The following SSX5 variants were observed in gnomAD, a reference collection of about 807,000 sequenced individuals.
SSX5 encodes protein SSX5.
In SSX5, 14 loss-of-function variants were observed where a neutral mutation model predicts 14.9. That is an observed-to-expected ratio of 0.94 (90% confidence interval 0.62 to 1.47). The LOEUF (loss-of-function observed/expected upper bound fraction) is 1.47. SSX5 is among the 40% of genes most tolerant of loss of function. SSX5 has a pLI of 0.00. For synonymous variants in SSX5, 70 were observed against 55.4 expected (o/e 1.26, Z -1.17); for missense variants, 204 against 154.6 (o/e 1.32, Z -1.70).
At position 48,195,461 on chromosome X, in the gene SSX5, T is replaced by C. The variant is rs1172563633; in HGVS notation, c.-20-83A>G. ...AGAAATCAGTGAAGTCTGGCCACACTCAGTCACCTGGAATCAGGAGTTGCA... is the reference window on the plus strand; with the variant it reads ...AGAAATCAGTGAAGTCTGGCCACACCCAGTCACCTGGAATCAGGAGTTGCA... On this transcript the variant is annotated intron_variant, in intron 1 of 7. Transcript: ENST00000347757. 58 of 947,018 alleles carry C rather than the reference T, an allele frequency of 6.1e-5. No homozygotes were observed. The Admixed American group carries it at 1.4e-3, about 22-fold the overall frequency. 78.0% of individuals were successfully genotyped at this position (947,018 alleles called of 1,213,427 possible).
chrX:48,193,372 G>A (rs1345363109), intron 4 of SSX5, among the ~76,000 whole-genome samples: 5 of 110,876 alleles, frequency 4.5e-5, no homozygotes, highest in African/African-American at 1.6e-4. Flanking sequence ...GAAAAGTATG[G>A]GGAATAATAT....
intron 4 of SSX5, among the ~76,000 whole-genome samples, chrX:48,192,912 T>G (rs1413767902): frequency 8.9e-6 from 1 of 112,218 alleles, no homozygotes; most frequent in Non-Finnish European, 1.9e-5. Flanking sequence ...GAAGAGCAAG[T>G]AAACACATAT....
chrX:48,193,140 G>A (rs1169775313), intron 4 of SSX5, among the ~76,000 whole-genome samples: 18 of 111,685 alleles, frequency 1.6e-4, no homozygotes, highest in African/African-American at 5.2e-4. Context: ...GGAAACAGCA[G>A]TGCTTATTAC....
chrX:48,187,329 G>A (rs1355017745), intron 7 of SSX5, among the ~76,000 whole-genome samples: 3 of 110,733 alleles, frequency 2.7e-5, no homozygotes, highest in East Asian at 5.7e-4. Context: ...TCGTGGTGGC[G>A]GGTGCTTGTA....
chrX:48,194,527 C>T (rs1208097965), intron 3 of SSX5, among the ~76,000 whole-genome samples: 1 of 110,601 alleles, frequency 9.0e-6, no homozygotes, highest in Non-Finnish European at 1.9e-5. Context: ...GGGAGAGAAA[C>T]GTGCAGGATC....
chrX:48,196,400 G>A (rs1335438947), intron 1 of SSX5, among the ~76,000 whole-genome samples: 2 of 101,326 alleles, frequency 2.0e-5, no homozygotes, highest in Non-Finnish European at 2.0e-5. Flanking sequence ...TTTTTGGTCA[G>A]ACAAGGTCTT....
At chrX:48,189,986 A>C (rs1289791129) in intron 6 of SSX5, 147 bp downstream of exon 6, 6 of 860,669 alleles carry the variant, frequency 7.0e-6, no homozygotes, top group Non-Finnish European at 9.2e-6. Flanking sequence ...TCTGGAAGTC[A>C]TGTGTAACAT....
Position 48,186,644 on chromosome X carries a change from C to G in SSX5, c.*217G>C. 1 of 692,379 alleles carries G rather than the reference C, an allele frequency of 1.4e-6. No homozygotes were observed. Among genetic ancestry groups the G allele is most frequent in the South Asian group, 2.6e-5 (1 of 38,442 alleles). The allele number at this position is 692,379 out of a possible 1,213,427, so 57.1% of individuals were successfully genotyped here. A position where few individuals can be genotyped will look rare whatever the true frequency, so the allele number is the denominator to read the frequency against. On this transcript the variant is annotated 3_prime_UTR_variant, in exon 8 of 8. Coordinates refer to ENST00000347757, the MANE Select transcript of SSX5 (RefSeq NM_175723.2). ...TGCTCATCAGTGAAAACGCTAATAT[C>G]TAACAGAATGGCACACTGTAACAAA...
intron 6 of SSX5, among the ~76,000 whole-genome samples, chrX:48,189,532 A>C (rs1351105375): frequency 8.9e-6 from 1 of 112,482 alleles, no homozygotes; most frequent in Non-Finnish European, 1.9e-5. Context: ...GAAGTCGCAG[A>C]AGATTATTAG....
chrX:48,190,910 C>T (rs1186622243), intron 5 of SSX5, among the ~76,000 whole-genome samples: 1 of 102,381 alleles, frequency 9.8e-6, no homozygotes, highest in Non-Finnish European at 2.0e-5. Context: ...TCTTAAGCTA[C>T]TTTTTTTTTT....
chrX:48,195,351 C>T lies in SSX5; in HGVS notation c.8G>A (p.Gly3Glu), dbSNP rs1569442350. Reference sequence around the variant, plus strand: ...AGGTCTCCGTACAAAGGCATCGTCTCCGTTCATGGCACCGGGAGCACTCTG... The same window carrying T: ...AGGTCTCCGTACAAAGGCATCGTCTTCGTTCATGGCACCGGGAGCACTCTG... Reference protein sequence around the residue: MNGDDAFVRRPRV... With the variant: MNEDDAFVRRPRV... The change falls in exon 2 of 8, where the codon GGA (glycine) becomes GAA (glutamate). Residue 3 changes from glycine (G) to glutamate (E), a missense_variant. Physicochemically the swap from Gly to Glu is moderately conservative, Grantham distance 98 (BLOSUM62 -2). Coordinates refer to ENST00000347757, the MANE Select transcript of SSX5 (RefSeq NM_175723.2). 1 of 1,211,596 alleles carries T rather than the reference C, an allele frequency of 8.3e-7. No homozygotes were observed. Among genetic ancestry groups the T allele is most frequent in the East Asian group, 3.0e-5 (1 of 33,856 alleles).
Position 48,187,633 on chromosome X carries a change from A to T in SSX5, c.565T>A (p.Ter189LysextTer6). The change falls in exon 7 of 8, where the codon TAA becomes AAA. Residue 189 changes from the stop codon to lysine, a stop_lost. Transcript: ENST00000347757. ...GAGCCAAAGGTTCACTTACGGAGTT[A>T]CTCGTCATCTTCCTGAGGGTCGCTG... is the stretch of plus-strand genomic sequence containing the variant. ...EISDPQEDDE[*>K] 1 of 1,208,262 alleles carries T rather than the reference A, an allele frequency of 8.3e-7. No homozygotes were observed. Among genetic ancestry groups the T allele is most frequent in the Non-Finnish European group, 1.1e-6 (1 of 894,060 alleles).
Position 48,186,851 on chromosome X carries a change from C to G in SSX5, c.*10G>C. On this transcript the variant is annotated 3_prime_UTR_variant, in exon 8 of 8. Coordinates refer to ENST00000347757, the MANE Select transcript of SSX5 (RefSeq NM_175723.2). ...CTCATCATGGGCATGTGTCATATCC[C>G]CGAGGCTGAGGCAAGAAGCGAGAAG... is the stretch of plus-strand genomic sequence containing the variant. 1.7e-6 allele frequency: 2 copies of G among 1,198,052 alleles called. No individual in the cohort carries two copies. The highest frequency in any genetic ancestry group is 3.5e-5 in the South Asian group (2 of 56,925).
intron 4 of SSX5, among the ~76,000 whole-genome samples, chrX:48,192,811 T>C (rs1297070228): frequency 8.9e-6 from 1 of 112,478 alleles, no homozygotes; most frequent in Admixed American, 9.5e-5. Context: ...TGGGAGATTG[T>C]AGAGTCTGGC....
Position 48,190,153 on chromosome X carries a change from T to C in SSX5, c.446A>G (p.Glu149Gly). Residue 149 changes from glutamate (E) to glycine (G), a missense_variant, in exon 6 of 8, where the codon GAG becomes GGG. Glu to Gly is a moderately conservative substitution (Grantham distance 98, BLOSUM62 -2). Coordinates refer to ENST00000347757, the MANE Select transcript of SSX5 (RefSeq NM_175723.2). The stretch of plus-strand genomic sequence containing the variant: ...CTTACCAGATGTCTTGTTAACCTTC[T>C]CAGAGGTATTTAGTTTTCCTGAGGG... ...LRPSGKLNTS[E>G]KVNKTSGPKR... The C allele has an allele frequency of 8.3e-7, 1 of 1,211,032 alleles. No homozygotes were observed. The highest frequency in any genetic ancestry group is 1.8e-5 in the South Asian group (1 of 56,836).
rs73632378 is a variant in SSX5 at position 48,193,368 on chromosome X, T to C, written c.280+761A>G. Among the ~76,000 whole-genome samples, 559 of 111,235 alleles carry C rather than the reference T, an allele frequency of 5.0e-3. 5 individuals carry two copies. Among genetic ancestry groups the C allele is most frequent in the African/African-American group, 0.017 (530 of 30,616 alleles). ...GAAATATTTCAAACACACAGAAAAG[T>C]ATGGGGAATAATATTGAGTCCAGTC... On this transcript the variant is annotated intron_variant, in intron 4 of 7. Coordinates refer to ENST00000347757, the MANE Select transcript of SSX5 (RefSeq NM_175723.2).
At chrX:48,195,041 A>G in intron 2 of SSX5, 187 bp from the exon 3 acceptor site, 3 of 1,211,430 alleles carry the variant, frequency 2.5e-6, no homozygotes, top group African/African-American at 3.5e-5. Flanking sequence ...TAGAGCTTTA[A>G]TGCTGCTGGC....
intron 5 of SSX5, 49 bp downstream of exon 5, chrX:48,192,183 C>T (rs373874318): frequency 2.3e-5 from 28 of 1,206,684 alleles, no homozygotes; most frequent in Non-Finnish European, 3.1e-5. Context: ...GGTTCACATT[C>T]GTGAAGGGAC....
At chrX:48,192,303 T>C in intron 4 of SSX5, 22 bp from the exon 5 acceptor site, 1 of 1,210,569 alleles carries the variant, frequency 8.3e-7, no homozygotes, top group South Asian at 1.8e-5. Flanking sequence ...TACATCAGAA[T>C]TTTTCTTTGT....
Sources: allele counts gnomAD v4.1 joint callset (sites outside exome capture counted in the v4.1 genomes callset), GRCh38; gene constraint gnomAD v4.1.1; transcripts MANE v1.5; gene names NCBI Gene and HGNC (gene_info 2026-07-23, HGNC 2026-07-21).